Variants in DSCAML1 observed in about 807,000 individuals in gnomAD.
DSCAML1 encodes the protein DS cell adhesion molecule like 1.
DSCAML1 carries 38 observed loss-of-function variants against 200.5 expected under a neutral mutation model. The ratio of observed to expected loss-of-function variants is 0.19; its 90% CI spans 0.15 to 0.25. The LOEUF is 0.25. Ranked by LOEUF, DSCAML1 falls within the 10% of genes least tolerant of loss-of-function variation. The pLI is 1.00. For missense variants in DSCAML1, 2,223 were observed against 2,858.8 expected, an observed-to-expected ratio of 0.78 and a Z score of 5.07; for synonymous variants, 1,215 against 1,165.0, an observed-to-expected ratio of 1.04 and a Z score of -0.87.
intron 3 of DSCAML1, among the ~76,000 whole-genome samples, chr11:117,596,694 G>A (rs1248305231): frequency 6.6e-6 from 1 of 152,228 alleles, no homozygotes; most frequent in Non-Finnish European, 1.5e-5. Context: ...CAGGGAAAAA[G>A]TAGTGAAAAG....
At chr11:117,496,290 C>G (rs1312693707) in intron 11 of DSCAML1, among the ~76,000 whole-genome samples, 1 of 152,168 alleles carries the variant, frequency 6.6e-6, no homozygotes, top group Admixed American at 6.5e-5. Flanking sequence ...TAGTCTTTGT[C>G]ACCAGGCTGG....
chr11:117,768,508 G>C (rs2054939282), intron 3 of DSCAML1, among the ~76,000 whole-genome samples: 1 of 152,162 alleles, frequency 6.6e-6, no homozygotes, highest in Admixed American at 6.5e-5. Flanking sequence ...AGCACAGGTG[G>C]TGAGTAATGA....
chr11:117,683,965 A>G (rs142434930), intron 3 of DSCAML1, among the ~76,000 whole-genome samples: 3 of 152,220 alleles, frequency 2.0e-5, no homozygotes, highest in Non-Finnish European at 4.4e-5. Context: ...AAATGCAGGC[A>G]GATATATGTG....
intron 3 of DSCAML1, among the ~76,000 whole-genome samples, chr11:117,753,181 G>A (rs994653376): frequency 1.3e-5 from 2 of 152,164 alleles, no homozygotes; most frequent in African/African-American, 4.8e-5. Flanking sequence ...GTTGTTGTTG[G>A]GATTAAATGA....
intron 3 of DSCAML1, among the ~76,000 whole-genome samples, chr11:117,561,037 G>A (rs1448595050): frequency 6.6e-6 from 1 of 152,220 alleles, no homozygotes; most frequent in African/African-American, 2.4e-5. Flanking sequence ...ATTATTGGCA[G>A]GTGAGCAGGA....
chr11:117,493,668 C>T (rs2049234236), intron 11 of DSCAML1, among the ~76,000 whole-genome samples: 1 of 146,104 alleles, frequency 6.8e-6, no homozygotes, highest in Non-Finnish European at 1.5e-5. Context: ...CACTCTGTTA[C>T]CCAGGCTGGA....
rs1378809725 is a variant in DSCAML1, at chr11:117,694,062, TATATATATATATATATACAC to T, written c.511+82709_511+82728del. Among the ~76,000 whole-genome samples, 206 of 66,290 alleles carry T rather than the reference TATATATATATATATATACAC, an allele frequency of 3.1e-3. 2 individuals carry two copies. Among genetic ancestry groups the T allele is most frequent in the African/African-American group, 8.8e-3 (201 of 22,794 alleles). The allele number at this position is 66,290 out of a possible 152,430, so 43.5% of individuals were successfully genotyped here. A position where few individuals can be genotyped will look rare whatever the true frequency, so the allele number is the denominator to read the frequency against. On this transcript the variant is annotated intron_variant, in intron 3 of 32. Coordinates refer to ENST00000651296, the MANE Select transcript of DSCAML1 (RefSeq NM_020693.4). The stretch of plus-strand genomic sequence containing the variant: ...GTCATTTTTAGGTTCTATCTTTATA[TATATATATATATATATACAC>T]ATATATATATATTTTTTAAATTGAG...
intron 3 of DSCAML1, among the ~76,000 whole-genome samples, chr11:117,755,884 G>C (rs1321773527): frequency 6.6e-6 from 1 of 152,018 alleles, no homozygotes; most frequent in African/African-American, 2.4e-5. Context: ...TACAGCCACC[G>C]GCTCCTCTGG....
At chr11:117,662,949 A>T (rs1489272210) in intron 3 of DSCAML1, among the ~76,000 whole-genome samples, 1 of 152,168 alleles carries the variant, frequency 6.6e-6, no homozygotes, top group Non-Finnish European at 1.5e-5. Context: ...TAGACTCAGA[A>T]AAACATCACG....
intron 3 of DSCAML1, among the ~76,000 whole-genome samples, chr11:117,737,230 C>T (rs1247951735): frequency 6.6e-6 from 1 of 152,250 alleles, no homozygotes; most frequent in African/African-American, 2.4e-5. Flanking sequence ...ATAATTTTCA[C>T]TTCTTTCATC....
chr11:117,599,556 T>C (rs1425891277), intron 3 of DSCAML1, among the ~76,000 whole-genome samples: 2 of 152,220 alleles, frequency 1.3e-5, no homozygotes, highest in Non-Finnish European at 2.9e-5. Flanking sequence ...GAGCCCTCTC[T>C]GCTCAGCAGC....
intron 3 of DSCAML1, among the ~76,000 whole-genome samples, chr11:117,718,682 C>CA (rs2053997833): frequency 1.9e-5 from 2 of 106,370 alleles, no homozygotes; most frequent in African/African-American, 3.4e-5. Flanking sequence ...CCCCCCCCCC[C>CA]CATCATATGA....
At chr11:117,687,353 T>C (rs2053417697) in intron 3 of DSCAML1, among the ~76,000 whole-genome samples, 1 of 151,786 alleles carries the variant, frequency 6.6e-6, no homozygotes, top group African/African-American at 2.4e-5. Flanking sequence ...TTCGAACTCC[T>C]GAGCTCAAGT....
At chr11:117,674,174 G>C (rs1256163271) in intron 3 of DSCAML1, among the ~76,000 whole-genome samples, 1 of 152,224 alleles carries the variant, frequency 6.6e-6, no homozygotes, top group African/African-American at 2.4e-5. Context: ...ATTTTCATAA[G>C]AATGCTGGTT....
At position 117,746,769 on chromosome 11, in the gene DSCAML1, C is replaced by G. The variant is rs118074955; in HGVS notation, c.511+30022G>C. 7.9e-3 allele frequency among the ~76,000 whole-genome samples: 1,197 copies of G among 152,272 alleles called. 7 individuals are homozygous for G. The highest frequency in any genetic ancestry group is 0.013 in the Non-Finnish European group (871 of 68,002). ...GTTACTCCTCCAGGCCTTTGCAACA[C>G]ACTGTTCCCATGGCTTAGAATGGCT... On this transcript the variant is annotated intron_variant, in intron 3 of 32. Coordinates refer to ENST00000651296, the MANE Select transcript of DSCAML1 (RefSeq NM_020693.4).
intron 3 of DSCAML1, among the ~76,000 whole-genome samples, chr11:117,685,341 G>A (rs537580939): frequency 6.6e-6 from 1 of 152,300 alleles, no homozygotes; most frequent in African/African-American, 2.4e-5. Context: ...CCCAGAAAGC[G>A]GCTATCTTCA....
At chr11:117,734,998 G>T (rs1005555572) in intron 3 of DSCAML1, among the ~76,000 whole-genome samples, 3 of 152,160 alleles carry the variant, frequency 2.0e-5, no homozygotes, top group South Asian at 2.1e-4. Context: ...GGGGAGGGGG[G>T]CGTTTAATGG....
intron 11 of DSCAML1, among the ~76,000 whole-genome samples, chr11:117,497,949 G>A (rs1424773792): frequency 6.6e-6 from 1 of 152,246 alleles, no homozygotes; most frequent in Non-Finnish European, 1.5e-5. Flanking sequence ...CGCCCAATCA[G>A]GGGGACTCAC....
intron 3 of DSCAML1, among the ~76,000 whole-genome samples, chr11:117,558,674 T>C (rs1749757942): frequency 6.6e-6 from 1 of 152,202 alleles, no homozygotes; most frequent in South Asian, 2.1e-4. Flanking sequence ...TTTATTTGGC[T>C]GGGAGCATCG....
Sources: allele counts gnomAD v4.1 joint callset (sites outside exome capture counted in the v4.1 genomes callset), GRCh38; gene constraint gnomAD v4.1.1; transcripts MANE v1.5; gene names NCBI Gene and HGNC (gene_info 2026-07-23, HGNC 2026-07-21).